The following TBCEL variants were observed in gnomAD, a reference collection of about 807,000 sequenced individuals.
The protein encoded by TBCEL is tubulin folding cofactor E like.
Under a neutral mutation model 44.2 loss-of-function variants are expected in TBCEL, and 15 were observed. The observed-to-expected ratio is 0.34, with a 90% CI of 0.23 to 0.52. The LOEUF (loss-of-function observed/expected upper bound fraction) is 0.52. Among genes scored for constraint, TBCEL ranks in the 20% least tolerant of loss-of-function variants. TBCEL has a pLI of 0.95. For synonymous variants in TBCEL, 171 were observed against 185.4 expected (o/e 0.92, Z 0.63); for missense variants, 319 against 506.3 (o/e 0.63, Z 3.55).
At chr11:121,054,781 C>T (rs1173824273) in intron 5 of TBCEL, 1 of 272,574 alleles carries the variant, frequency 3.7e-6, no homozygotes, top group Non-Finnish European at 6.8e-6. Flanking sequence ...TACTTACAGT[C>T]AGTACTGCTT....
intron 7 of TBCEL, 100 bp from the exon 8 acceptor site, chr11:121,059,869 T>C: frequency 1.2e-6 from 1 of 820,022 alleles, no homozygotes; most frequent in Non-Finnish European, 1.9e-6. Flanking sequence ...AATGTGTCCT[T>C]TCAAGAAAAT....
intron 2 of TBCEL, among the ~76,000 whole-genome samples, chr11:121,043,270 A>G (rs1945367135): frequency 6.6e-6 from 1 of 152,186 alleles, no homozygotes; most frequent in Admixed American, 6.6e-5. Flanking sequence ...GTTACCATGT[A>G]TAATAAACTA....
Position 121,040,650 on chromosome 11 carries a change from A to G in TBCEL, c.-18+4038A>G, listed in dbSNP as rs570348965. Among the ~76,000 whole-genome samples, 5 of 152,162 alleles carry G rather than the reference A, an allele frequency of 3.3e-5. No individual in the cohort carries two copies. In the South Asian group the frequency reaches 6.2e-4, roughly 19 times the overall value. On this transcript the variant is annotated intron_variant, in intron 2 of 8. Coordinates refer to ENST00000683345, the MANE Select transcript of TBCEL (RefSeq NM_001363644.2). ...ACTCCCCAGTTTCTTCAAAATTAAT[A>G]TTTTATATTCTGCATACACAAATTC...
In TBCEL at chr11:121,088,117, G is replaced by A. The variant is rs981286566; in HGVS notation, c.*1021G>A. 3 of 152,186 alleles carry A rather than the reference G, an allele frequency of 2.0e-5. No individual in the cohort carries two copies. Among genetic ancestry groups the A allele is most frequent in the Admixed American group, 6.5e-5 (1 of 15,270 alleles). 9.4% of individuals were successfully genotyped at this position (152,186 alleles called of 1,614,324 possible). On this transcript the variant is annotated 3_prime_UTR_variant, in exon 9 of 9. Coordinates refer to ENST00000683345, the MANE Select transcript of TBCEL (RefSeq NM_001363644.2). ...GTGGGGAATGAAGTTGGGGGATGTG[G>A]GGGAAGAGCTTATGACTTTCCCACC... is the stretch of plus-strand genomic sequence containing the variant.
chr11:121,064,836 T>G (rs1238739752), intron 8 of TBCEL, among the ~76,000 whole-genome samples: 1 of 152,154 alleles, frequency 6.6e-6, no homozygotes, highest in Non-Finnish European at 1.5e-5. Context: ...TTTAATTTTT[T>G]TTTCTTTTGA....
rs1946268145 is a variant in TBCEL, at chr11:121,090,006, G to A, written c.*2910G>A. 1 of 152,102 alleles carries A rather than the reference G, an allele frequency of 6.6e-6. No homozygotes were observed. The highest frequency in any genetic ancestry group is 2.4e-5 in the African/African-American group (1 of 41,406). The allele number at this position is 152,102 out of a possible 1,614,324, so 9.4% of individuals were successfully genotyped here. Reference sequence around the variant, plus strand: ...TGAAATATCCTAGATTGCTTTAATGGAAAAAATCCAGAGTCACATATCTTT... The same window carrying A: ...TGAAATATCCTAGATTGCTTTAATGAAAAAAATCCAGAGTCACATATCTTT... On this transcript the variant is annotated 3_prime_UTR_variant, in exon 9 of 9. Transcript: ENST00000683345.
intron 8 of TBCEL, among the ~76,000 whole-genome samples, chr11:121,083,660 A>C (rs1200159546): frequency 6.6e-6 from 1 of 152,230 alleles, no homozygotes; most frequent in East Asian, 1.9e-4. Flanking sequence ...GTCTAGGAGT[A>C]TACAGTTGTT....
At chr11:121,076,916 A>G (rs1045996912) in intron 8 of TBCEL, among the ~76,000 whole-genome samples, 1 of 151,992 alleles carries the variant, frequency 6.6e-6, no homozygotes, top group Non-Finnish European at 1.5e-5. Context: ...AAAAGTCTAT[A>G]CCATTTTTCT....
At chr11:121,074,433 A>G (rs1415102914) in intron 8 of TBCEL, among the ~76,000 whole-genome samples, 5 of 152,026 alleles carry the variant, frequency 3.3e-5, no homozygotes, top group Admixed American at 6.6e-5. Flanking sequence ...TAGATCTTCA[A>G]TAGCATCTGT....
intron 7 of TBCEL, 131 bp from the exon 8 acceptor site, chr11:121,059,838 T>C: frequency 3.1e-6 from 2 of 649,682 alleles, no homozygotes. Context: ...TCAGTAGTTG[T>C]ATACAAATGG....
intron 6 of TBCEL, among the ~76,000 whole-genome samples, chr11:121,056,716 C>A (rs1345977646): frequency 1.3e-5 from 2 of 151,748 alleles, no homozygotes; most frequent in African/African-American, 4.8e-5. Context: ...ATCTGCAATT[C>A]TCTAATGATG....
At chr11:121,059,042 A>C (rs973068125) in intron 7 of TBCEL, among the ~76,000 whole-genome samples, 5 of 151,954 alleles carry the variant, frequency 3.3e-5, no homozygotes, top group African/African-American at 1.2e-4. Flanking sequence ...TTTAGCAGAA[A>C]TAAGATTTAG....
rs772679731 is a variant in TBCEL, at chr11:121,060,045, C to T, written c.916C>T (p.Arg306Cys). The T allele has an allele frequency of 1.2e-6, 2 of 1,611,268 alleles. No homozygotes were observed. Among genetic ancestry groups the T allele is most frequent in the Non-Finnish European group, 8.5e-7 (1 of 1,178,392 alleles). The change falls in exon 8 of 9, where the codon CGT becomes TGT. Residue 306 changes from arginine to cysteine, a missense_variant. By Grantham distance (180) the Arg-to-Cys change is radical. Coordinates refer to ENST00000683345, the MANE Select transcript of TBCEL (RefSeq NM_001363644.2). ...EREDSERFFI[R>C]YYVDVPQEEV... The stretch of plus-strand genomic sequence containing the variant: ...AGAAGATTCTGAGAGATTTTTTATT[C>T]GTTACTATGTGGATGTTCCACAGGA...
intron 8 of TBCEL, among the ~76,000 whole-genome samples, chr11:121,074,015 G>A (rs1945987476): frequency 6.6e-6 from 1 of 151,656 alleles, no homozygotes; most frequent in African/African-American, 2.4e-5. Flanking sequence ...AATTTTTTGT[G>A]GTTCTTGTCT....
chr11:121,034,210 T>C (rs1487145948), intron 1 of TBCEL, among the ~76,000 whole-genome samples: 1 of 152,196 alleles, frequency 6.6e-6, no homozygotes, highest in Non-Finnish European at 1.5e-5. Context: ...TTTGCATTCC[T>C]ACCAGCAGTG....
At chr11:121,068,812 G>A (rs907351050) in intron 8 of TBCEL, among the ~76,000 whole-genome samples, 1 of 151,374 alleles carries the variant, frequency 6.6e-6, no homozygotes, top group Non-Finnish European at 1.5e-5. Context: ...ACTTGAACCC[G>A]AGAGGCGGAG....
At chr11:121,046,412 A>G (rs1339671043) in intron 3 of TBCEL, among the ~76,000 whole-genome samples, 8 of 152,084 alleles carry the variant, frequency 5.3e-5, no homozygotes, top group Admixed American at 2.6e-4. Flanking sequence ...TTTTAGCTTA[A>G]TGTTGCCATT....
chr11:121,036,131 GT>G (rs1267095630), intron 1 of TBCEL: 2 of 152,226 alleles, frequency 1.3e-5, no homozygotes, highest in African/African-American at 4.8e-5. Context: ...AGATAAGTTA[GT>G]TTTTCTGTTT....
chr11:121,065,757 CT>C (rs1421982077), intron 8 of TBCEL, among the ~76,000 whole-genome samples: 2 of 152,156 alleles, frequency 1.3e-5, no homozygotes, highest in Non-Finnish European at 2.9e-5. Context: ...GCATATTGTT[CT>C]TTTCTCAACA....
Sources: gnomAD v4.1 joint callset for allele counts (sites outside exome capture counted in the v4.1 genomes callset) on GRCh38, gnomAD v4.1.1 for gene constraint, MANE v1.5 for transcripts, NCBI Gene and HGNC (gene_info 2026-07-23, HGNC 2026-07-21) for gene names.